PYGB: variants seen among roughly 807,000 people sequenced by gnomAD.
PYGB encodes the protein glycogen phosphorylase, brain form.
In PYGB, 82 loss-of-function variants were observed where a neutral mutation model predicts 94.3. That is an observed-to-expected ratio of 0.87 (90% CI 0.73 to 1.04). The LOEUF is 1.04. Ranked by LOEUF, PYGB falls within the 50% of genes least tolerant of loss-of-function variation. PYGB has a pLI of 0.00. For missense variants in PYGB, 1,132 were observed against 1,158.2 expected (o/e 0.98, Z 0.33); for synonymous variants, 488 against 479.1 (o/e 1.02, Z -0.24).
intron 3 of PYGB, among the ~76,000 whole-genome samples, chr20:25,270,930 A>G (rs943088093): frequency 3.3e-5 from 5 of 152,164 alleles, no homozygotes; most frequent in Non-Finnish European, 7.3e-5. Flanking sequence ...ACAGGTGGAC[A>G]TTGATTTGTA....
intron 14 of PYGB, among the ~76,000 whole-genome samples, chr20:25,287,575 A>G (rs2088428802): frequency 6.6e-6 from 1 of 152,214 alleles, no homozygotes; most frequent in African/African-American, 2.4e-5. Context: ...ACTTGAGTCC[A>G]GGAGTCTGTG....
At chr20:25,278,546 G>T (rs1186614029) in intron 8 of PYGB, 84 bp downstream of exon 8, 12 of 1,550,964 alleles carry the variant, frequency 7.7e-6, no homozygotes, top group Non-Finnish European at 9.7e-6. Context: ...TGTCCCAAAA[G>T]GGGCTAGAGT....
intron 18 of PYGB, chr20:25,294,601 C>T (rs532294231): frequency 7.8e-5 from 42 of 541,468 alleles, no homozygotes; most frequent in South Asian, 1.8e-4. Context: ...CAGGGGCAGC[C>T]GTGTCCCAGC....
rs368639278 is a variant in PYGB, at chr20:25,288,470, T to G, written c.1814T>G (p.Met605Arg). Residue 605 changes from methionine (M) to arginine (R), a missense_variant, in exon 15 of 20, where the codon ATG becomes AGG. By Grantham distance (91) the Met-to-Arg change is moderately conservative (BLOSUM62 -1). Transcript: ENST00000216962. ...AAGGCTTTTGTGCCCAGGACTGTTA[T>G]GATTGGGGGCAAGGTGAGTGACTTC... ...PAKAFVPRTV[M>R]IGGKAAPGYH... is the part of the protein sequence containing the mutation. 1 of 1,614,078 alleles carries G rather than the reference T, an allele frequency of 6.2e-7. No homozygotes were observed. Among genetic ancestry groups the G allele is most frequent in the Non-Finnish European group, 8.5e-7 (1 of 1,179,966 alleles).
rs1600716397 is a variant in PYGB, at chr20:25,248,092, C to T, written c.-87C>T. 4.4e-6 allele frequency: 6 copies of T among 1,373,134 alleles called. No individual in the cohort carries two copies. Among genetic ancestry groups the T allele is most frequent in the African/African-American group, 1.5e-5 (1 of 65,028 alleles). The allele number at this position is 1,373,134 out of a possible 1,614,324, so 85.1% of individuals were successfully genotyped here. ...GCCGCAGTGCCGGGCGCCAGAGCAG[C>T]GGCGCCAGAGCAGCTGCACCATCCC... On this transcript the variant is annotated 5_prime_UTR_variant, in exon 1 of 20. Coordinates refer to ENST00000216962, the MANE Select transcript of PYGB (RefSeq NM_002862.4).
chr20:25,284,291 C>G (rs767090624), intron 14 of PYGB, 40 bp downstream of exon 14: 1 of 1,593,642 alleles, frequency 6.3e-7, no homozygotes, highest in Non-Finnish European at 8.5e-7. Context: ...GCTGTGGGGC[C>G]CAAGGCTTGC....
At position 25,248,306 on chromosome 20, in the gene PYGB, A is replaced by ACCGCAATGTGGCCACGCC; in HGVS notation, c.133_150dup (p.Asn45_Arg50dup). On this transcript the variant is annotated inframe_insertion, in exon 1 of 20. Coordinates refer to ENST00000216962, the MANE Select transcript of PYGB (RefSeq NM_002862.4). ...CACTTGCACTTCACGCTGGTCAAGG[A>ACCGCAATGTGGCCACGCC]CCGCAATGTGGCCACGCCCCGCGAC... The ACCGCAATGTGGCCACGCC allele has an allele frequency of 6.2e-7, 1 of 1,604,558 alleles. No homozygotes were observed. The highest frequency in any genetic ancestry group is 8.5e-7 in the Non-Finnish European group (1 of 1,176,100).
Position 25,283,239 on chromosome 20 carries a change from G to A in PYGB, c.1582G>A (p.Asp528Asn). The change falls in exon 13 of 20, where the codon GAC becomes AAC. Residue 528 changes from aspartate (D) to asparagine (N), a missense_variant. Physicochemically the swap from Asp to Asn is conservative, Grantham distance 23. Coordinates refer to ENST00000216962, the MANE Select transcript of PYGB (RefSeq NM_002862.4). ...QLKKLLPLVS[D>N]EVFIRDVAKV... Reference sequence around the variant, plus strand: ...GAAGAAGCTGCTGCCGCTGGTCAGTGACGAGGTGTTCATCAGGGACGTGGC... The same window carrying A: ...GAAGAAGCTGCTGCCGCTGGTCAGTAACGAGGTGTTCATCAGGGACGTGGC... 2.5e-6 allele frequency: 4 copies of A among 1,613,898 alleles called. No homozygotes were observed. Among genetic ancestry groups the A allele is most frequent in the Non-Finnish European group, 3.4e-6 (4 of 1,179,906 alleles).
chr20:25,288,140 AGCT>A (rs2088433777), intron 14 of PYGB: 3 of 561,382 alleles, frequency 5.3e-6, no homozygotes, highest in Non-Finnish European at 9.8e-6. Context: ...TGCTCGAGTC[AGCT>A]GCTGGGTTCG....
At chr20:25,284,061 T>C (rs1303645249) in intron 13 of PYGB, 43 bp from the exon 14 acceptor site, 3 of 1,604,082 alleles carry the variant, frequency 1.9e-6, no homozygotes. Flanking sequence ...GTGGATGGAG[T>C]CCTGGTGAAG....
At chr20:25,280,888 A>T (rs1329732650) in intron 10 of PYGB, 61 bp from the exon 11 acceptor site, 1 of 1,565,750 alleles carries the variant, frequency 6.4e-7, no homozygotes, top group African/African-American at 1.3e-5. Flanking sequence ...GGTCATGGGG[A>T]GTGCTGGGTC....
At chr20:25,288,297 TG>T in intron 14 of PYGB, 127 bp from the exon 15 acceptor site, 1 of 1,070,546 alleles carries the variant, frequency 9.3e-7, no homozygotes, top group Non-Finnish European at 1.4e-6. Context: ...CCCGTGTCTC[TG>T]GGGCTTGAAG....
intron 9 of PYGB, 63 bp from the exon 10 acceptor site, chr20:25,280,203 G>A (rs2088353003): frequency 6.3e-7 from 1 of 1,577,984 alleles, no homozygotes; most frequent in African/African-American, 1.4e-5. Context: ...CCCTGCCTAG[G>A]CAACTGGCCA....
chr20:25,295,643 C>T lies in PYGB; in HGVS notation c.2352C>T (p.Cys784=), dbSNP rs767101832. ...VFADYEAYMQ[C]QAQVDQLYRN... ...CAGACTATGAAGCCTACATGCAGTG[C>T]CAGGCACAGGTGGACCAGCTGTACC... is the stretch of plus-strand genomic sequence containing the variant. Residue 784 remains cysteine, a synonymous_variant, in exon 19 of 20, where the codon TGC becomes TGT. Coordinates refer to ENST00000216962, the MANE Select transcript of PYGB (RefSeq NM_002862.4). The T allele has an allele frequency of 1.9e-6, 3 of 1,614,040 alleles. No individual in the cohort carries two copies. Among genetic ancestry groups the T allele is most frequent in the Middle Eastern group, 3.3e-4 (2 of 6,062 alleles).
chr20:25,295,587 C>A lies in PYGB; in HGVS notation c.2313-17C>A, dbSNP rs2088528841. 2 of 1,612,564 alleles carry A rather than the reference C, an allele frequency of 1.2e-6. No homozygotes were observed. Among genetic ancestry groups the A allele is most frequent in the East Asian group, 2.2e-5 (1 of 44,874 alleles). ...GCTCCCTGCTGCCCTGGCCCAGCCTCCTTTCTCCCATTCCAGGTTCAAGGT... is the reference window on the plus strand; with the variant it reads ...GCTCCCTGCTGCCCTGGCCCAGCCTACTTTCTCCCATTCCAGGTTCAAGGT... On this transcript the variant is annotated splice_polypyrimidine_tract_variant and intron_variant, in intron 18 of 19. Coordinates refer to ENST00000216962, the MANE Select transcript of PYGB (RefSeq NM_002862.4).
chr20:25,267,375 T>C (rs1194040072), intron 2 of PYGB, among the ~76,000 whole-genome samples: 3 of 152,212 alleles, frequency 2.0e-5, no homozygotes, highest in Admixed American at 1.3e-4. Flanking sequence ...TGCACAACTC[T>C]GTGAACATAC....
chr20:25,271,546 G>T, intron 4 of PYGB, 60 bp downstream of exon 4: 1 of 1,542,316 alleles, frequency 6.5e-7, no homozygotes, highest in South Asian at 1.1e-5. Context: ...TAAAATGGCA[G>T]CACTTGCAGT....
At chr20:25,290,852 C>G (rs1233842330) in intron 16 of PYGB, among the ~76,000 whole-genome samples, 2 of 152,174 alleles carry the variant, frequency 1.3e-5, no homozygotes, top group Non-Finnish European at 2.9e-5. Context: ...AGTGTCATCC[C>G]CCAACAGGGC....
chr20:25,253,637 T>C (rs2123509186), intron 1 of PYGB, among the ~76,000 whole-genome samples: 1 of 150,538 alleles, frequency 6.6e-6, no homozygotes, highest in Admixed American at 6.6e-5. Flanking sequence ...TAAAATAAAA[T>C]AAAATAAAAT....
Sources: gnomAD v4.1 joint callset for allele counts (sites outside exome capture counted in the v4.1 genomes callset) on GRCh38, gnomAD v4.1.1 for gene constraint, MANE v1.5 for transcripts, NCBI Gene and HGNC (gene_info 2026-07-23, HGNC 2026-07-21) for gene names.